CTXN2: variants seen among roughly 807,000 people sequenced by gnomAD.
CTXN2 encodes the protein cortexin-2.
CTXN2 carries 3 observed loss-of-function variants against 5.7 expected under a neutral mutation model. The observed-to-expected ratio is 0.53, with a 90% CI of 0.24 to 1.36. The LOEUF is 1.36. Among genes scored for constraint, CTXN2 ranks in the 40% most tolerant of loss-of-function variants. The probability of loss-of-function intolerance (pLI) is 0.17; values close to 1 mark genes in which losing one functional copy is unlikely to be tolerated. For synonymous variants in CTXN2, 38 were observed against 36.4 expected (o/e 1.04, Z -0.16); for missense variants, 87 against 93.0 (o/e 0.94, Z 0.26).
At chr15:48,181,480 C>T (rs1246347957) in intron 1 of CTXN2, among the ~76,000 whole-genome samples, 1 of 152,076 alleles carries the variant, frequency 6.6e-6, no homozygotes, top group Non-Finnish European at 1.5e-5. Context: ...GGGAGGTTGG[C>T]AAATAATTTG....
chr15:48,197,261 C>G (rs1302323459), intron 1 of CTXN2, among the ~76,000 whole-genome samples: 1 of 151,950 alleles, frequency 6.6e-6, no homozygotes, highest in Non-Finnish European at 1.5e-5. Context: ...TTTCATGGTT[C>G]CCTTCTAGAC....
chr15:48,191,018 C>A (rs1009304888), upstream of CTXN2: 2 of 152,282 alleles, frequency 1.3e-5, no homozygotes, highest in Admixed American at 6.5e-5. Context: ...CAGGTCTCAC[C>A]ACGCACCATT....
At chr15:48,187,683 A>G (rs1189250337), upstream of CTXN2, among the ~76,000 whole-genome samples, 5 of 152,182 alleles carry the variant, frequency 3.3e-5, no homozygotes, top group Non-Finnish European at 7.4e-5. Flanking sequence ...GTTAGAGGAA[A>G]TTCTTGTTTT....
chr15:48,182,067 A>C lies in CTXN2; in HGVS notation c.-455+3667A>C, dbSNP rs77370393. ...AGTAAAGTTTAATCTTATTCTGACG[A>C]TTAGCTATTTACCATTCTCTCTCTT... On this transcript the variant is annotated intron_variant, in intron 1 of 2. Transcript: ENST00000644354. Among the ~76,000 whole-genome samples, 311 of 152,186 alleles carry C rather than the reference A, an allele frequency of 2.0e-3. 1 individual carries two copies. Among genetic ancestry groups the C allele is most frequent in the African/African-American group, 7.2e-3 (299 of 41,524 alleles).
At chr15:48,180,384 A>G (rs2040690489) in intron 1 of CTXN2, among the ~76,000 whole-genome samples, 1 of 152,268 alleles carries the variant, frequency 6.6e-6, no homozygotes, top group Non-Finnish European at 1.5e-5. Context: ...TGACTGCTCA[A>G]TAGATTGATC....
At chr15:48,200,199 A>G (rs1351038296) in intron 1 of CTXN2, among the ~76,000 whole-genome samples, 1 of 152,212 alleles carries the variant, frequency 6.6e-6, no homozygotes, top group Admixed American at 6.5e-5. Context: ...TAAAAAAGAA[A>G]ATACCAACAG....
intron 1 of CTXN2, among the ~76,000 whole-genome samples, chr15:48,179,730 A>C (rs2040677966): frequency 6.6e-6 from 1 of 152,248 alleles, no homozygotes; most frequent in Non-Finnish European, 1.5e-5. Context: ...AAAAAGTGCT[A>C]TATGAACATA....
intron 1 of CTXN2, among the ~76,000 whole-genome samples, chr15:48,200,804 G>T (rs1226420080): frequency 6.6e-6 from 1 of 152,078 alleles, no homozygotes; most frequent in East Asian, 1.9e-4. Context: ...AGTCAAAATG[G>T]CACTGGAAAT....
chr15:48,183,339 C>T (rs1179033574), intron 1 of CTXN2, among the ~76,000 whole-genome samples: 1 of 152,094 alleles, frequency 6.6e-6, no homozygotes, highest in Non-Finnish European at 1.5e-5. Context: ...AGATCTCAAA[C>T]CGAAAATGCT....
intron 1 of CTXN2, among the ~76,000 whole-genome samples, chr15:48,194,455 G>C (rs1261410895): frequency 6.6e-6 from 1 of 151,970 alleles, no homozygotes; most frequent in Non-Finnish European, 1.5e-5. Flanking sequence ...GTCCCTCCTA[G>C]ACTCTCAACT....
chr15:48,179,993 G>T (rs1385420799), intron 1 of CTXN2, among the ~76,000 whole-genome samples: 1 of 152,148 alleles, frequency 6.6e-6, no homozygotes, highest in African/African-American at 2.4e-5. Context: ...AAACAGAGTA[G>T]TAGGTACATG....
rs778616476 is a variant in CTXN2 at position 48,201,261 on chromosome 15, GA to G, written c.-38del. On this transcript the variant is annotated 5_prime_UTR_variant, in exon 2 of 2. It introduces an in-frame stop codon into an upstream open reading frame of the 5' UTR. Transcript: ENST00000417307. ...GTACCTAGGCAAAGAGTTGATTCCA[GA>G]AGGAACTGTGAAGAGCCACAACAAT... is the stretch of plus-strand genomic sequence containing the variant. The G allele has an allele frequency of 7.6e-5, 117 of 1,546,338 alleles. No individual in the cohort carries two copies. Among genetic ancestry groups the G allele is most frequent in the Admixed American group, 2.2e-4 (11 of 50,674 alleles).
intron 1 of CTXN2, among the ~76,000 whole-genome samples, chr15:48,200,359 A>G (rs2040918106): frequency 6.6e-6 from 1 of 152,162 alleles, no homozygotes. Context: ...ATGGGAAAAA[A>G]ACCTATTTTG....
At chr15:48,195,810 A>T (rs1440146498) in intron 1 of CTXN2, among the ~76,000 whole-genome samples, 1 of 152,156 alleles carries the variant, frequency 6.6e-6, no homozygotes, top group Non-Finnish European at 1.5e-5. Flanking sequence ...AAAATAAAAT[A>T]TGTAAAGCAG....
rs1479690458 is a variant in CTXN2, at chr15:48,203,087, C to T, written c.*1541C>T. Reference sequence around the variant, plus strand: ...TAATTTTGCAGAAGAGAAACTGAAGCTAAGAGAAATTAACTAGCTTCCCAA... The same window carrying T: ...TAATTTTGCAGAAGAGAAACTGAAGTTAAGAGAAATTAACTAGCTTCCCAA... On this transcript the variant is annotated 3_prime_UTR_variant, in exon 2 of 2. Transcript: ENST00000417307. 1 of 166,956 alleles carries T rather than the reference C, an allele frequency of 6.0e-6. No homozygotes were observed. Among genetic ancestry groups the T allele is most frequent in the Non-Finnish European group, 1.5e-5 (1 of 68,088 alleles). The allele number at this position is 166,956 out of a possible 1,614,324, so 10.3% of individuals were successfully genotyped here.
upstream of CTXN2, chr15:48,190,844 T>G (rs940106897): frequency 6.6e-6 from 1 of 152,284 alleles, no homozygotes; most frequent in Admixed American, 6.5e-5. Flanking sequence ...GTTGTTTTTT[T>G]GTTTTCCTTT....
At chr15:48,186,023 T>G (rs2413886) in intron 1 of CTXN2, among the ~76,000 whole-genome samples, 14,814 of 152,232 alleles carry the variant, frequency 0.097, 1,976 homozygotes, top group East Asian at 0.4. Flanking sequence ...AAAACTGCTC[T>G]TGTTTCTCTA....
chr15:48,195,958 A>G (rs2040875513), intron 1 of CTXN2, among the ~76,000 whole-genome samples: 1 of 152,122 alleles, frequency 6.6e-6, no homozygotes, highest in Admixed American at 6.6e-5. Flanking sequence ...CCCTTTAAGT[A>G]GAGGAGTGCA....
Position 48,201,373 on chromosome 15 carries a change from C to G in CTXN2, c.73C>G (p.Leu25Val), listed in dbSNP as rs1164305881. ...CGAAGTATCAGCTTTCTCATTGACT[C>G]TGGAGCAAAAAACTGGCTTTGCTTT... ...VNEVSAFSLT[L>V]EQKTGFAFVG... Residue 25 changes from leucine (L) to valine (V), a missense_variant, in exon 2 of 2, where the codon CTG becomes GTG. Transcript: ENST00000417307. The G allele has an allele frequency of 1.9e-6, 3 of 1,551,358 alleles. No individual in the cohort carries two copies. The highest frequency in any genetic ancestry group is 8.7e-7 in the Non-Finnish European group (1 of 1,146,744).
Sources: gnomAD v4.1 joint callset for allele counts (sites outside exome capture counted in the v4.1 genomes callset) on GRCh38, gnomAD v4.1.1 for gene constraint, MANE v1.5 for transcripts, NCBI Gene and HGNC (gene_info 2026-07-23, HGNC 2026-07-21) for gene names.